ERAP1: variants seen among roughly 807,000 people sequenced by gnomAD.
The protein encoded by ERAP1 is endoplasmic reticulum aminopeptidase 1.
ERAP1 carries 86 observed loss-of-function variants against 103.7 expected under a neutral mutation model. That is an observed-to-expected ratio of 0.83 (90% CI 0.70 to 0.99). The LOEUF (loss-of-function observed/expected upper bound fraction) is 0.99. ERAP1 is among the 50% of genes least tolerant of loss of function. The pLI, the probability that ERAP1 is intolerant of heterozygous loss-of-function variation, is 0.00. For synonymous variants in ERAP1, 398 were observed against 402.4 expected, an observed-to-expected ratio of 0.99 and a Z score of 0.13; for missense variants, 1,009 against 1,128.4, an observed-to-expected ratio of 0.89 and a Z score of 1.52.
the ERAP1 span, among the ~76,000 whole-genome samples, chr5:96,830,470 C>G: frequency 6.6e-6 from 1 of 152,120 alleles, no homozygotes; most frequent in Admixed American, 6.5e-5. Flanking sequence ...TGACTGAAAA[C>G]TGGAAACAAC....
At chr5:96,793,690 A>T in intron 6 of ERAP1, 113 bp downstream of exon 6, 1 of 1,207,468 alleles carries the variant, frequency 8.3e-7, no homozygotes, top group East Asian at 2.5e-5. Flanking sequence ...TGGAGAAACA[A>T]TTTTTCCTAT....
intron 13 of ERAP1, 138 bp downstream of exon 13, chr5:96,785,650 G>T (rs1775891771): frequency 1.2e-6 from 1 of 865,854 alleles, no homozygotes; most frequent in Non-Finnish European, 1.8e-6. Flanking sequence ...AGCAATCTTG[G>T]GTTGTTAGAA....
At chr5:96,927,645 C>T in the ERAP1 span, among the ~76,000 whole-genome samples, 1 of 152,134 alleles carries the variant, frequency 6.6e-6, no homozygotes, top group African/African-American at 2.4e-5. Context: ...CGCCACCGCG[C>T]CTGGCTAATT....
chr5:96,920,121 G>C, the ERAP1 span, among the ~76,000 whole-genome samples: 1 of 151,732 alleles, frequency 6.6e-6, no homozygotes, highest in Non-Finnish European at 1.5e-5. Flanking sequence ...GATCAGCCTG[G>C]GCAACATGGC....
the ERAP1 span, among the ~76,000 whole-genome samples, chr5:96,847,267 G>A: frequency 6.4e-5 from 8 of 125,892 alleles, no homozygotes; most frequent in African/African-American, 1.3e-4. Flanking sequence ...AAAAAAAAAA[G>A]TTGAGTACAA....
At chr5:96,780,907 T>A in intron 17 of ERAP1, 151 bp downstream of exon 17, 1 of 892,632 alleles carries the variant, frequency 1.1e-6, no homozygotes, top group South Asian at 1.5e-5. Flanking sequence ...TCCAGTTTTA[T>A]GTTTTCTACA....
the ERAP1 span, among the ~76,000 whole-genome samples, chr5:96,830,878 G>A: frequency 6.6e-6 from 1 of 152,118 alleles, no homozygotes; most frequent in African/African-American, 2.4e-5. Context: ...GTACACACAA[G>A]GGATTAGTTC....
At chr5:96,912,115 C>T in the ERAP1 span, among the ~76,000 whole-genome samples, 2 of 144,946 alleles carry the variant, frequency 1.4e-5, no homozygotes, top group East Asian at 2.0e-4. Context: ...GTGTGAACCC[C>T]GGGGGGCGGA....
the ERAP1 span, among the ~76,000 whole-genome samples, chr5:96,816,459 G>C: frequency 1.3e-5 from 2 of 152,152 alleles, no homozygotes; most frequent in African/African-American, 4.8e-5. Flanking sequence ...AAGAAATGTG[G>C]TTAAGAACTT....
the ERAP1 span, chr5:96,822,969 G>T: frequency 2.3e-6 from 1 of 444,352 alleles, no homozygotes; most frequent in Non-Finnish European, 4.5e-6. Context: ...TCCACTTTCA[G>T]TCTCACTCAG....
chr5:96,904,069 T>C, the ERAP1 span, among the ~76,000 whole-genome samples: 3 of 152,248 alleles, frequency 2.0e-5, no homozygotes, highest in African/African-American at 7.2e-5. Context: ...AAATATAGTC[T>C]TAACTTTTAT....
the ERAP1 span, among the ~76,000 whole-genome samples, chr5:96,837,730 G>C: frequency 6.6e-6 from 1 of 152,206 alleles, no homozygotes; most frequent in African/African-American, 2.4e-5. Flanking sequence ...ACAGCCTTTC[G>C]CACCTGTGCC....
At chr5:96,891,522 TATACG>T in the ERAP1 span, among the ~76,000 whole-genome samples, 1 of 31,644 alleles carries the variant, frequency 3.2e-5, no homozygotes, top group African/African-American at 1.3e-4. Context: ...TATATGCCCA[TATACG>T]GTATATATAC....
At position 96,767,788 on chromosome 5, in the gene ERAP1, TGTCA is replaced by T. The variant is rs58316175; in HGVS notation, c.2819-4564_2819-4561del. On this transcript the variant is annotated intron_variant, in intron 19 of 19. Coordinates refer to the ERAP1 transcript ENST00000296754. ...ACAATACATTATTATTAATAAAGAA[TGTCA>T]GTCAGTTTTTTTCTTATAGAAACAT... 2.0e-3 allele frequency: 1,349 copies of T among 660,338 alleles called. 13 individuals are homozygous for T. In the African/African-American group the frequency reaches 0.021, roughly 10 times the overall value. 40.9% of individuals were successfully genotyped at this position (660,338 alleles called of 1,614,324 possible).
chr5:96,884,528 A>C, the ERAP1 span, among the ~76,000 whole-genome samples: 3 of 150,706 alleles, frequency 2.0e-5, no homozygotes, highest in African/African-American at 7.4e-5. Flanking sequence ...TTATTTATGA[A>C]AATTATTAAT....
At position 96,775,367 on chromosome 5, in the gene ERAP1, A is replaced by G; in HGVS notation, c.*1029T>C. 3.0e-6 allele frequency: 3 copies of G among 984,928 alleles called. No individual in the cohort carries two copies. The highest frequency in any genetic ancestry group is 3.6e-6 in the Non-Finnish European group (3 of 829,598). The allele number at this position is 984,928 out of a possible 1,614,324, so 61.0% of individuals were successfully genotyped here. On this transcript the variant is annotated 3_prime_UTR_variant, in exon 19 of 19. Coordinates refer to ENST00000443439, the MANE Select transcript of ERAP1 (RefSeq NM_001040458.3). ...CATTTATTGGTGACTGCAATAATTT[A>G]CTGTCAGTAAATGCCAATAACTAGT...
the ERAP1 span, among the ~76,000 whole-genome samples, chr5:96,926,902 G>A: frequency 1.3e-5 from 2 of 152,024 alleles, no homozygotes; most frequent in Non-Finnish European, 2.9e-5. Flanking sequence ...CTGCAGCCTC[G>A]ATCTCCCAGG....
At chr5:96,873,559 A>G in the ERAP1 span, 2 of 450,114 alleles carry the variant, frequency 4.4e-6, no homozygotes, top group South Asian at 3.1e-5. Context: ...AGTGTTCCAT[A>G]GACACTCTAG....
At chr5:96,853,748 A>G in the ERAP1 span, among the ~76,000 whole-genome samples, 1 of 151,834 alleles carries the variant, frequency 6.6e-6, no homozygotes, top group East Asian at 1.9e-4. Flanking sequence ...AAGATCACCC[A>G]CTTCATGTAG....
Sources: gnomAD v4.1 joint callset for allele counts (sites outside exome capture counted in the v4.1 genomes callset) on GRCh38, gnomAD v4.1.1 for gene constraint, MANE v1.5 for transcripts, NCBI Gene and HGNC (gene_info 2026-07-23, HGNC 2026-07-21) for gene names.